BBS2: variants seen among roughly 807,000 people sequenced by gnomAD.
The protein encoded by BBS2 is BBSome complex member BBS2.
In BBS2, 62 loss-of-function variants were observed where a neutral mutation model predicts 83.0. That is an observed-to-expected ratio of 0.75 (90% confidence interval 0.61 to 0.92). The LOEUF (loss-of-function observed/expected upper bound fraction) is 0.92. BBS2 is among the 40% of genes least tolerant of loss of function. The probability of loss-of-function intolerance (pLI) is 0.00; values close to 1 mark genes in which losing one functional copy is unlikely to be tolerated. For synonymous variants in BBS2, 303 were observed against 326.1 expected, an observed-to-expected ratio of 0.93 and a Z score of 0.76; for missense variants, 784 against 901.0, an observed-to-expected ratio of 0.87 and a Z score of 1.66.
chr16:56,470,429 C>CT (rs1349843069), downstream of BBS2: 3 of 1,460,048 alleles, frequency 2.1e-6, no homozygotes, highest in Middle Eastern at 2.5e-4. Context: ...AGCTTTTATT[C>CT]TGTGAGTCAT....
downstream of BBS2, among the ~76,000 whole-genome samples, chr16:56,483,067 C>T (rs1963688237): frequency 6.6e-6 from 1 of 152,158 alleles, no homozygotes; most frequent in South Asian, 2.1e-4. Context: ...ACAGTGTGCA[C>T]TTATACACAC....
chr16:56,482,847 G>A (rs1460927391), downstream of BBS2, among the ~76,000 whole-genome samples: 5 of 152,132 alleles, frequency 3.3e-5, no homozygotes, highest in Admixed American at 1.3e-4. Context: ...CCATCTCCCG[G>A]CCTCCCCTGC....
At chr16:56,494,758 C>T (rs981846610) in intron 15 of BBS2, among the ~76,000 whole-genome samples, 1 of 151,942 alleles carries the variant, frequency 6.6e-6, no homozygotes, top group Non-Finnish European at 1.5e-5. Context: ...CTCAGGAGAT[C>T]GAGACCATCC....
At chr16:56,482,277 A>G (rs540059558), downstream of BBS2, among the ~76,000 whole-genome samples, 36 of 152,340 alleles carry the variant, frequency 2.4e-4, no homozygotes, top group African/African-American at 8.4e-4. Flanking sequence ...GTCACTAGAC[A>G]GGTCACACAG....
At chr16:56,485,471 A>G in intron 16 of BBS2, 119 bp downstream of exon 16, 1 of 1,330,876 alleles carries the variant, frequency 7.5e-7, no homozygotes, top group Non-Finnish European at 1.1e-6. Context: ...CCAGCTCTGG[A>G]GTGTGAAAGG....
chr16:56,483,835 G>A (rs1287965854), downstream of BBS2, among the ~76,000 whole-genome samples: 1 of 151,616 alleles, frequency 6.6e-6, no homozygotes, highest in Admixed American at 6.6e-5. Context: ...GCATAGCTGG[G>A]ATTGTAGGTG....
At chr16:56,497,315 C>A (rs561701624) in intron 14 of BBS2, 2 of 569,764 alleles carry the variant, frequency 3.5e-6, no homozygotes, top group African/African-American at 1.9e-5. Flanking sequence ...GCACCAGGAG[C>A]CCCCACAACA....
chr16:56,501,185 C>T, intron 10 of BBS2, 160 bp from the exon 11 acceptor site: 1 of 1,256,590 alleles, frequency 8.0e-7, no homozygotes, highest in South Asian at 1.2e-5. Flanking sequence ...TGGTGGGCGC[C>T]TGTAGTCCCA....
Position 56,497,805 on chromosome 16 carries a change from C to T in BBS2, c.1735G>A (p.Asp579Asn). 1 of 1,613,248 alleles carries T rather than the reference C, an allele frequency of 6.2e-7. No homozygotes were observed. The highest frequency in any genetic ancestry group is 8.5e-7 in the Non-Finnish European group (1 of 1,179,882). ...GGAAAATCCGCTTCTACTTGAAGGT[C>T]TTCAATAGCAAAAAATGATGCCATT... is the stretch of plus-strand genomic sequence containing the variant. Reference protein sequence around the residue: ...QSMASFFAIEDLQVEADFPVY... With the variant: ...QSMASFFAIENLQVEADFPVY... Residue 579 changes from aspartate (D) to asparagine (N), a missense_variant, in exon 14 of 17, where the codon GAC becomes AAC. Coordinates refer to ENST00000245157, the MANE Select transcript of BBS2 (RefSeq NM_031885.5).
rs1048987667 is a variant in BBS2, at chr16:56,510,841, A to G, written c.534+18T>C. ...ATTTGGCTGAACACACAAGAGAGATATCTCCTCCCCCACATACCTCTTTCT... is the reference window on the plus strand; with the variant it reads ...ATTTGGCTGAACACACAAGAGAGATGTCTCCTCCCCCACATACCTCTTTCT... On this transcript the variant is annotated intron_variant, in intron 4 of 16. Transcript: ENST00000245157. The G allele has an allele frequency of 3.7e-6, 6 of 1,612,796 alleles. No individual in the cohort carries two copies. The African/African-American group carries it at 6.7e-5, about 18-fold the overall frequency.
intron 1 of BBS2, among the ~76,000 whole-genome samples, chr16:56,515,418 T>C (rs755117652): frequency 6.6e-6 from 1 of 152,204 alleles, no homozygotes; most frequent in Non-Finnish European, 1.5e-5. Context: ...GGGAATCGTG[T>C]AGCCCTTCGC....
Position 56,514,653 on chromosome 16 carries a change from T to C in BBS2, c.145A>G (p.Asn49Asp). 2.5e-6 allele frequency: 4 copies of C among 1,614,080 alleles called. No individual in the cohort carries two copies. Among genetic ancestry groups the C allele is most frequent in the South Asian group, 1.1e-5 (1 of 91,068 alleles). ...ACCCTGGATGCACTGACATGCTGGTTCCGTGTATGAGGATTATGAATAAAA... is the reference window on the plus strand; with the variant it reads ...ACCCTGGATGCACTGACATGCTGGTCCCGTGTATGAGGATTATGAATAAAA... ...KVFIHNPHTR[N>D]QHVSASRVFQ... The change falls in exon 2 of 17, where the codon AAC (asparagine) becomes GAC (aspartate). Residue 49 changes from asparagine (N) to aspartate (D), a missense_variant. Physicochemically the swap from Asn to Asp is conservative, Grantham distance 23. Coordinates refer to ENST00000245157, the MANE Select transcript of BBS2 (RefSeq NM_031885.5).
chr16:56,485,175 A>C (rs1372353033), intron 16 of BBS2, among the ~76,000 whole-genome samples: 1 of 152,126 alleles, frequency 6.6e-6, no homozygotes, highest in Non-Finnish European at 1.5e-5. Context: ...TCAGGTATAA[A>C]TCTCTGGCTA....
intron 17 of BBS2, among the ~76,000 whole-genome samples, chr16:56,472,032 G>C (rs1204495741): frequency 2.0e-5 from 3 of 152,172 alleles, no homozygotes; most frequent in African/African-American, 7.2e-5. Flanking sequence ...TGCAATCACA[G>C]CTCACTGCAG....
chr16:56,494,276 T>C (rs1216562299), intron 15 of BBS2, among the ~76,000 whole-genome samples: 20 of 151,828 alleles, frequency 1.3e-4, no homozygotes, highest in Admixed American at 1.2e-3. Flanking sequence ...CCTGAAGCCA[T>C]GATTTTCAAT....
In BBS2 at chr16:56,519,752, C is replaced by T. The variant is rs191867233; in HGVS notation, c.111G>A (p.Thr37=). The change falls in exon 1 of 17, where the codon ACG becomes ACA. Residue 37 remains threonine (T), a synonymous_variant. Transcript: ENST00000245157. ...THPCLAAATQ[T]GKVFIHNPHT... ...TGCGGGTGGGAGCGGTTACCTTGCCCGTTTGGGTGGCGGCCGCCAGGCACG... is the reference window on the plus strand; with the variant it reads ...TGCGGGTGGGAGCGGTTACCTTGCCTGTTTGGGTGGCGGCCGCCAGGCACG... 5.5e-5 allele frequency: 89 copies of T among 1,612,948 alleles called. No individual in the cohort carries two copies. The highest frequency in any genetic ancestry group is 3.6e-4 in the East Asian group (16 of 44,844).
At position 56,474,863 on chromosome 16, in the gene BBS2, C is replaced by T. The variant is rs145889680; in HGVS notation, c.*1-4168G>A. 1.7e-3 allele frequency: 2,776 copies of T among 1,612,796 alleles called. 3 individuals are homozygous for T. The highest frequency in any genetic ancestry group is 3.0e-3 in the Admixed American group (181 of 59,942). On this transcript the variant is annotated intron_variant, in intron 17 of 17. Transcript: ENST00000682047. ...TCCCATGTGCCAAGGGGAACTGAGG[C>T]ATTGGAAGACCGGTCACTACACTTT...
chr16:56,490,341 C>T (rs1431140067), intron 15 of BBS2, among the ~76,000 whole-genome samples: 1 of 151,830 alleles, frequency 6.6e-6, no homozygotes, highest in South Asian at 2.1e-4. Context: ...ACTTTTCTAA[C>T]AGTAATTCAA....
At position 56,501,382 on chromosome 16, in the gene BBS2, T is replaced by C. The variant is rs1430858492; in HGVS notation, c.1196A>G (p.His399Arg). ...AGAAGTGGAAATGCGTAATTCTGTA[T>C]GAGCAGTTTGGGTCTCATTCCCCAG... ...VSLGNETQTA[H>R]TELRISTSND... The change falls in exon 10 of 17, where the codon CAT becomes CGT. Residue 399 changes from histidine to arginine, a missense_variant. Coordinates refer to ENST00000245157, the MANE Select transcript of BBS2 (RefSeq NM_031885.5). 1.2e-6 allele frequency: 2 copies of C among 1,614,000 alleles called. No individual in the cohort carries two copies. The highest frequency in any genetic ancestry group is 1.3e-5 in the African/African-American group (1 of 74,908).
Sources: allele counts gnomAD v4.1 joint callset (sites outside exome capture counted in the v4.1 genomes callset), GRCh38; gene constraint gnomAD v4.1.1; transcripts MANE v1.5; gene names NCBI Gene and HGNC (gene_info 2026-07-23, HGNC 2026-07-21).